HADHA: variants seen among roughly 807,000 people sequenced by gnomAD.
The protein encoded by HADHA is trifunctional enzyme subunit alpha, mitochondrial.
Under a neutral mutation model 91.3 loss-of-function variants are expected in HADHA, and 59 were observed. The observed-to-expected ratio is 0.65, with a 90% CI of 0.52 to 0.80. HADHA has a LOEUF of 0.80. HADHA is among the 30% of genes least tolerant of loss of function. The probability of loss-of-function intolerance (pLI) is 0.00; values close to 1 mark genes in which losing one functional copy is unlikely to be tolerated. For missense variants in HADHA, 800 were observed against 927.6 expected (o/e 0.86, Z 1.79); for synonymous variants, 320 against 338.9 (o/e 0.94, Z 0.61).
chr2:26,237,605 GCAA>G (rs1244143410), intron 3 of HADHA, among the ~76,000 whole-genome samples: 4 of 152,066 alleles, frequency 2.6e-5, no homozygotes, highest in African/African-American at 9.7e-5. Context: ...TCCAGCCTAG[GCAA>G]CAGAATGAGA....
At chr2:26,225,577 C>G (rs999983599) in intron 7 of HADHA, among the ~76,000 whole-genome samples, 1 of 151,980 alleles carries the variant, frequency 6.6e-6, no homozygotes, top group African/African-American at 2.4e-5. Flanking sequence ...TTCCAAGAAG[C>G]AAGGCTAGTT....
At chr2:26,196,633 A>G (rs1346533509) in intron 14 of HADHA, among the ~76,000 whole-genome samples, 1 of 152,098 alleles carries the variant, frequency 6.6e-6, no homozygotes, top group Non-Finnish European at 1.5e-5. Context: ...TGGTCACCCT[A>G]TTTTGTCTTT....
intron 14 of HADHA, among the ~76,000 whole-genome samples, 191 bp from the exon 15 acceptor site, chr2:26,195,423 ATCC>A (rs768098087): frequency 6.6e-6 from 1 of 151,976 alleles, no homozygotes; most frequent in African/African-American, 2.4e-5. Flanking sequence ...GCACATTGGA[ATCC>A]TCCTCTTCCA....
intron 7 of HADHA, among the ~76,000 whole-genome samples, chr2:26,222,818 T>C (rs1489259625): frequency 6.6e-6 from 1 of 152,084 alleles, no homozygotes; most frequent in Non-Finnish European, 1.5e-5. Flanking sequence ...CGGGAAGCAG[T>C]TGCCTTGACA....
intron 3 of HADHA, among the ~76,000 whole-genome samples, chr2:26,237,641 A>T (rs1185140000): frequency 6.6e-6 from 1 of 152,188 alleles, no homozygotes; most frequent in Non-Finnish European, 1.5e-5. Flanking sequence ...AAAAAACCAT[A>T]TAGTATGATC....
intron 1 of HADHA, among the ~76,000 whole-genome samples, chr2:26,242,688 T>G (rs944494624): frequency 6.6e-6 from 1 of 152,232 alleles, no homozygotes; most frequent in African/African-American, 2.4e-5. Flanking sequence ...AGAAATTAAT[T>G]GCCCAAGGTC....
rs747546426 is a variant in HADHA, at chr2:26,201,165, A to G, written c.1376T>C (p.Leu459Pro). Reference protein sequence around the residue: ...FEDLSLKHRVLKEVEAVIPDH... With the variant: ...FEDLSLKHRVPKEVEAVIPDH... ...CTTGCTTACCGCTTCTACTTCCTTT[A>G]GCACTCTGTGCTTAAGACTAAGGTC... Residue 459 changes from leucine (L) to proline (P), a missense_variant, in exon 13 of 20, where the codon CTA (leucine) becomes CCA (proline). Leu to Pro is a moderately conservative substitution (Grantham distance 98). Transcript: ENST00000380649. 6.2e-7 allele frequency: 1 copy of G among 1,613,342 alleles called. No individual in the cohort carries two copies. Among genetic ancestry groups the G allele is most frequent in the Non-Finnish European group, 8.5e-7 (1 of 1,179,256 alleles).
In HADHA at chr2:26,229,646, AAAT is replaced by A. The variant is rs1187520460; in HGVS notation, c.676+543_676+545del. ...ATGATACAGGTAATTTAAGAACCAA[AAAT>A]AATGACTTGACTGAATTCTGTACTC... is the stretch of plus-strand genomic sequence containing the variant. On this transcript the variant is annotated intron_variant, in intron 7 of 19. Coordinates refer to ENST00000380649, the MANE Select transcript of HADHA (RefSeq NM_000182.5). The surrounding 1 kb of genome is among the most constrained non-coding windows in gnomAD (Gnocchi z 4.3). Among the ~76,000 whole-genome samples, 1 of 152,246 alleles carries A rather than the reference AAAT, an allele frequency of 6.6e-6. No homozygotes were observed. The highest frequency in any genetic ancestry group is 2.4e-5 in the African/African-American group (1 of 41,466).
intron 11 of HADHA, among the ~76,000 whole-genome samples, chr2:26,205,853 C>T (rs1431983417): frequency 6.6e-6 from 1 of 151,790 alleles, no homozygotes; most frequent in African/African-American, 2.4e-5. Context: ...ATTAAGACAA[C>T]CATAGAATGG....
intron 1 of HADHA, 103 bp from the exon 2 acceptor site, chr2:26,239,246 C>G: frequency 1.2e-6 from 1 of 833,366 alleles, no homozygotes. Flanking sequence ...AACAAAAACC[C>G]CAAATCTGTA....
At chr2:26,205,035 C>G (rs746813719) in intron 11 of HADHA, among the ~76,000 whole-genome samples, 1 of 152,166 alleles carries the variant, frequency 6.6e-6, no homozygotes, top group Non-Finnish European at 1.5e-5. Context: ...CTGAATTCCT[C>G]TAGAACTTCT....
intron 13 of HADHA, 87 bp downstream of exon 13, chr2:26,201,062 T>G: frequency 1.5e-4 from 144 of 972,086 alleles, no homozygotes; most frequent in Non-Finnish European, 2.0e-4. Context: ...AAAGCAATCA[T>G]GAGTTTCCTA....
At chr2:26,226,830 T>C (rs754938961) in intron 7 of HADHA, among the ~76,000 whole-genome samples, 1 of 152,142 alleles carries the variant, frequency 6.6e-6, no homozygotes, top group Admixed American at 6.6e-5. Flanking sequence ...CAGACCAAAA[T>C]GTAAGAGCTA....
rs1669973038 is a variant in HADHA, at chr2:26,206,389, CA to C, written c.1086-2194del. Among the ~76,000 whole-genome samples, 5 of 152,052 alleles carry C rather than the reference CA, an allele frequency of 3.3e-5. No individual in the cohort carries two copies. The South Asian group carries it at 1.0e-3, about 32-fold the overall frequency. On this transcript the variant is annotated intron_variant, in intron 11 of 19. Transcript: ENST00000380649. ...GATTACAGGTGCCCACCACCACACC[CA>C]GCTAATTTTTGTATTTTTAGTAGAG... is the stretch of plus-strand genomic sequence containing the variant.
rs567864197 is a variant in HADHA at position 26,228,135 on chromosome 2, C to CT, written c.676+2056dup. 7.7e-3 allele frequency among the ~76,000 whole-genome samples: 1,084 copies of CT among 139,876 alleles called. 6 individuals carry two copies. The highest frequency in any genetic ancestry group is 0.027 in the Middle Eastern group (6 of 224). 91.8% of individuals were successfully genotyped at this position (139,876 alleles called of 152,430 possible). ...AATGAAACATTTGTCCACATAAAGA[C>CT]TTTTTTTTTTTTTGAGACAGAGTCT... On this transcript the variant is annotated intron_variant, in intron 7 of 19. Coordinates refer to ENST00000380649, the MANE Select transcript of HADHA (RefSeq NM_000182.5).
chr2:26,194,624 G>A lies in HADHA; in HGVS notation c.1635C>T (p.Phe545=). 2 of 1,609,736 alleles carry A rather than the reference G, an allele frequency of 1.2e-6. No homozygotes were observed. The highest frequency in any genetic ancestry group is 1.7e-6 in the Non-Finnish European group (2 of 1,176,290). ...VIIVVKDGPG[F]YTTRCLAPMM... is the part of the protein sequence containing the mutation. ...TGGGCGCAAGACACCTGGTAGTATA[G>A]AAGCCAGGTCCATCCTGCCAAGGAA... is the stretch of plus-strand genomic sequence containing the variant. The change falls in exon 16 of 20, where the codon TTC becomes TTT. Residue 545 remains phenylalanine, a synonymous_variant. Transcript: ENST00000380649.
intron 19 of HADHA, 35 bp from the exon 20 acceptor site, chr2:26,191,430 G>A (rs1669498142): frequency 8.7e-6 from 14 of 1,614,144 alleles, no homozygotes; most frequent in East Asian, 2.2e-5. Context: ...TGAAGGAGAC[G>A]CAACACGGGC....
In HADHA at chr2:26,214,989, C is replaced by T. The variant is rs1393278320; in HGVS notation, c.799+64G>A. ...TTACCACTTCCTCATTTTGAATCTA[C>T]AGCAAATAAAATTAAATTCTCAGGA... On this transcript the variant is annotated intron_variant, in intron 8 of 19. Coordinates refer to ENST00000380649, the MANE Select transcript of HADHA (RefSeq NM_000182.5). This position sits in a 1 kb window ranked among gnomAD's most constrained non-coding sequence, Gnocchi z 4.1. 1.3e-5 allele frequency: 19 copies of T among 1,411,806 alleles called. No individual in the cohort carries two copies. The highest frequency in any genetic ancestry group is 2.3e-5 in the South Asian group (2 of 86,682). The allele number at this position is 1,411,806 out of a possible 1,614,324, so 87.5% of individuals were successfully genotyped here.
At chr2:26,204,718 G>A (rs80014575) in intron 11 of HADHA, among the ~76,000 whole-genome samples, 2,839 of 152,098 alleles carry the variant, frequency 0.019, 82 homozygotes, top group African/African-American at 0.064. Context: ...TGAGTAGCTC[G>A]GACTAAAGGT....
Sources: allele counts gnomAD v4.1 joint callset (sites outside exome capture counted in the v4.1 genomes callset), GRCh38; gene constraint gnomAD v4.1.1; non-coding constraint Gnocchi (gnomAD v3.1); transcripts MANE v1.5; gene names NCBI Gene and HGNC (gene_info 2026-07-23, HGNC 2026-07-21).